UGT3A2: variants seen among roughly 807,000 people sequenced by gnomAD.
UGT3A2 encodes UDP-glycosyltransferase 3A2.
Under a neutral mutation model 39.8 loss-of-function variants are expected in UGT3A2, and 32 were observed. The observed-to-expected ratio is 0.80, with a 90% CI of 0.61 to 1.08. The LOEUF is 1.08. Among genes scored for constraint, UGT3A2 ranks in the 50% least tolerant of loss-of-function variants. The pLI, the probability that UGT3A2 is intolerant of heterozygous loss-of-function variation, is 0.00. For missense variants in UGT3A2, 611 were observed against 637.1 expected, an observed-to-expected ratio of 0.96 and a Z score of 0.44; for synonymous variants, 241 against 230.7, an observed-to-expected ratio of 1.04 and a Z score of -0.40.
intron 2 of UGT3A2, among the ~76,000 whole-genome samples, chr5:36,053,508 C>G (rs1436356995): frequency 1.3e-5 from 2 of 152,260 alleles, no homozygotes; most frequent in South Asian, 4.1e-4. Flanking sequence ...AGAATCTGTC[C>G]AAGTTGCAAT....
chr5:36,061,751 C>T (rs981932252), intron 2 of UGT3A2, among the ~76,000 whole-genome samples: 213 of 152,034 alleles, frequency 1.4e-3, no homozygotes, highest in African/African-American at 5.0e-3. Flanking sequence ...TTTGGGTATA[C>T]ACCCAGTAAT....
rs769962303 is a variant in UGT3A2, at chr5:36,035,787, G to A, written c.1483C>T (p.Leu495Phe). 4 of 1,614,116 alleles carry A rather than the reference G, an allele frequency of 2.5e-6. No homozygotes were observed. The Admixed American group carries it at 5.0e-5, about 20-fold the overall frequency. The change falls in exon 7 of 7, where the codon CTC becomes TTC. Residue 495 changes from leucine to phenylalanine, a missense_variant. Leu to Phe is a conservative substitution (Grantham distance 22, BLOSUM62 0). Coordinates refer to ENST00000282507, the MANE Select transcript of UGT3A2 (RefSeq NM_174914.4). ...LLDVFVFLLG[L>F]TLGTLWLCGK... The stretch of plus-strand genomic sequence containing the variant: ...CAAAGCCATAGAGTCCCCAGAGTGA[G>A]CCCCAGCAGAAACACAAAAACGTCG...
At chr5:36,058,019 T>C (rs1742568518) in intron 2 of UGT3A2, among the ~76,000 whole-genome samples, 1 of 152,202 alleles carries the variant, frequency 6.6e-6, no homozygotes, top group African/African-American at 2.4e-5. Flanking sequence ...GTGAAGAATA[T>C]GAAAACTAAT....
intron 2 of UGT3A2, among the ~76,000 whole-genome samples, chr5:36,059,075 T>C (rs924987831): frequency 7.3e-5 from 11 of 151,016 alleles, no homozygotes; most frequent in African/African-American, 2.4e-4. Context: ...CAGGGACAAA[T>C]AGGGATAGAT....
rs1741932085 is a variant in UGT3A2, at chr5:36,039,458, A to C, written c.1075+19T>G. ...GACAGGTCAGTGGAAGGAGAGGAGC[A>C]GTCCTGGGCAGCCCTTACCCAGGAG... On this transcript the variant is annotated intron_variant, in intron 5 of 6. Transcript: ENST00000282507. 6.2e-7 allele frequency: 1 copy of C among 1,606,412 alleles called. No homozygotes were observed. The highest frequency in any genetic ancestry group is 8.5e-7 in the Non-Finnish European group (1 of 1,173,774).
chr5:36,055,994 T>C (rs1178386136), intron 2 of UGT3A2, among the ~76,000 whole-genome samples: 7 of 152,112 alleles, frequency 4.6e-5, no homozygotes, highest in Admixed American at 2.6e-4. Flanking sequence ...TTTTCCTTTG[T>C]TTCATTTCCT....
At chr5:36,047,401 G>A (rs545638417) in intron 4 of UGT3A2, among the ~76,000 whole-genome samples, 4 of 152,286 alleles carry the variant, frequency 2.6e-5, no homozygotes, top group African/African-American at 9.6e-5. Context: ...TTCATTTTGT[G>A]TTTGGCACAA....
chr5:36,037,412 G>T (rs1741864339), intron 6 of UGT3A2, among the ~76,000 whole-genome samples: 1 of 152,090 alleles, frequency 6.6e-6, no homozygotes, highest in African/African-American at 2.4e-5. Flanking sequence ...TGAAGAGGGA[G>T]CACCACAAAC....
At chr5:36,052,603 A>G (rs764630732) in intron 2 of UGT3A2, among the ~76,000 whole-genome samples, 4 of 152,072 alleles carry the variant, frequency 2.6e-5, no homozygotes, top group Non-Finnish European at 5.9e-5. Context: ...GTTTCAATCC[A>G]TGCAAGTCAG....
At chr5:36,055,850 A>C (rs914205471) in intron 2 of UGT3A2, among the ~76,000 whole-genome samples, 16 of 152,110 alleles carry the variant, frequency 1.1e-4, no homozygotes, top group African/African-American at 3.9e-4. Context: ...ATTCCTTTTC[A>C]CCAGGTCTGT....
At chr5:36,048,791 G>A (rs916330498) in intron 4 of UGT3A2, 98 bp downstream of exon 4, 11 of 1,520,638 alleles carry the variant, frequency 7.2e-6, no homozygotes, top group Admixed American at 6.3e-5. Context: ...TGCCTATCCC[G>A]ACTTTAGCCT....
intron 1 of UGT3A2, among the ~76,000 whole-genome samples, 162 bp from the exon 2 acceptor site, chr5:36,064,512 G>A (rs1198144190): frequency 6.6e-6 from 1 of 152,186 alleles, no homozygotes; most frequent in East Asian, 1.9e-4. Context: ...GTAAAACCCA[G>A]CCCACTCACC....
intron 4 of UGT3A2, among the ~76,000 whole-genome samples, chr5:36,040,736 G>A (rs565574601): frequency 6.6e-6 from 1 of 152,120 alleles, no homozygotes; most frequent in Non-Finnish European, 1.5e-5. Flanking sequence ...GTGCTCTGGG[G>A]TTCAAAATAA....
intron 2 of UGT3A2, among the ~76,000 whole-genome samples, chr5:36,057,573 T>C (rs898322944): frequency 4.0e-5 from 6 of 151,700 alleles, no homozygotes; most frequent in African/African-American, 1.5e-4. Context: ...TCTCACTTTA[T>C]TGGCCAGGCT....
At chr5:36,052,758 C>G (rs1230568172) in intron 2 of UGT3A2, among the ~76,000 whole-genome samples, 1 of 152,114 alleles carries the variant, frequency 6.6e-6, no homozygotes, top group Non-Finnish European at 1.5e-5. Flanking sequence ...AAAAAAATAC[C>G]TCACCCTATG....
intron 4 of UGT3A2, among the ~76,000 whole-genome samples, chr5:36,046,508 C>G (rs1742170049): frequency 6.6e-6 from 1 of 152,104 alleles, no homozygotes; most frequent in African/African-American, 2.4e-5. Context: ...CTAAGCCAGA[C>G]ACGGAAAGAC....
intron 1 of UGT3A2, among the ~76,000 whole-genome samples, chr5:36,065,554 G>GCTTCACTTTCA (rs1742854642): frequency 6.6e-6 from 1 of 152,128 alleles, no homozygotes; most frequent in South Asian, 2.1e-4. Context: ...AAGTTAAGAA[G>GCTTCACTTTCA]CTCTGTTGCT....
chr5:36,047,191 C>A (rs1164025676), intron 4 of UGT3A2, among the ~76,000 whole-genome samples: 2 of 152,208 alleles, frequency 1.3e-5, no homozygotes, highest in African/African-American at 4.8e-5. Context: ...CTGGACCAAA[C>A]CAATGTTTAT....
intron 5 of UGT3A2, 87 bp from the exon 6 acceptor site, chr5:36,038,103 A>AG: frequency 7.3e-7 from 1 of 1,369,502 alleles, no homozygotes; most frequent in Non-Finnish European, 9.9e-7. Context: ...GAAAGTGCCA[A>AG]GGGGATCTAG....
Sources: gnomAD v4.1 joint callset for allele counts (sites outside exome capture counted in the v4.1 genomes callset) on GRCh38, gnomAD v4.1.1 for gene constraint, MANE v1.5 for transcripts, NCBI Gene and HGNC (gene_info 2026-07-23, HGNC 2026-07-21) for gene names.